Variants in ADCY5 observed in about 807,000 individuals in gnomAD.
ADCY5 encodes the protein adenylate cyclase type 5.
ADCY5 carries 30 observed loss-of-function variants against 119.7 expected under a neutral mutation model. The ratio of observed to expected loss-of-function variants is 0.25; its 90% confidence interval spans 0.19 to 0.34. The LOEUF is 0.34. Among genes scored for constraint, ADCY5 ranks in the 10% least tolerant of loss-of-function variants. ADCY5 has a pLI of 1.00. For missense variants in ADCY5, 1,324 were observed against 1,775.2 expected, an observed-to-expected ratio of 0.75 and a Z score of 4.57; for synonymous variants, 753 against 762.2, an observed-to-expected ratio of 0.99 and a Z score of 0.20.
intron 8 of ADCY5, 99 bp downstream of exon 8, chr3:123,325,223 T>A (rs1324756904): frequency 6.9e-7 from 1 of 1,454,034 alleles, no homozygotes; most frequent in African/African-American, 1.4e-5. Flanking sequence ...CTCCCCAGAT[T>A]CCCTTGGGCA....
intron 1 of ADCY5, among the ~76,000 whole-genome samples, chr3:123,403,882 C>T (rs1944836971): frequency 1.3e-5 from 2 of 152,216 alleles, no homozygotes; most frequent in South Asian, 2.1e-4. Flanking sequence ...CCATATCCAT[C>T]CTCTGGACCT....
chr3:123,353,427 G>A (rs1274411104), intron 1 of ADCY5, among the ~76,000 whole-genome samples: 2 of 152,222 alleles, frequency 1.3e-5, no homozygotes, highest in Admixed American at 1.3e-4. Flanking sequence ...GGCAGGTAGA[G>A]CTCCTGGATA....
rs1035411124 is a variant in ADCY5, at chr3:123,283,948, T to G, written c.*660A>C. On this transcript the variant is annotated 3_prime_UTR_variant, in exon 21 of 21. Transcript: ENST00000462833. ...AAAGAAGGGCACGGAGAACTTGTTT[T>G]GTTTTATTTAATAAATATTTTTCTC... is the stretch of plus-strand genomic sequence containing the variant. 1 of 152,258 alleles carries G rather than the reference T, an allele frequency of 6.6e-6. No homozygotes were observed. The highest frequency in any genetic ancestry group is 1.5e-5 in the Non-Finnish European group (1 of 68,072). 9.4% of individuals were successfully genotyped at this position (152,258 alleles called of 1,614,324 possible).
At position 123,286,793 on chromosome 3, in the gene ADCY5, G is replaced by A. The variant is rs764570316; in HGVS notation, c.3549C>T (p.Pro1183=). ...FQMKIGLNIG[P]VVAGVIGARK... is the part of the protein sequence containing the mutation. ...GTGCCCCTATCACCCCGGCCACCAC[G>A]GGGCCGATGTTGAGCCCTGCAGGGG... Residue 1183 remains proline, a synonymous_variant, in exon 20 of 21, where the codon CCC becomes CCT. Transcript: ENST00000462833. The surrounding 1 kb of genome is among the most constrained non-coding windows in gnomAD (Gnocchi z 4.2). The A allele has an allele frequency of 1.8e-5, 29 of 1,608,572 alleles. No individual in the cohort carries two copies. The highest frequency in any genetic ancestry group is 3.3e-5 in the South Asian group (3 of 90,222).
chr3:123,303,153 C>T lies in ADCY5; in HGVS notation c.2626G>A (p.Val876Ile), dbSNP rs1331162865. 6.2e-7 allele frequency: 1 copy of T among 1,613,798 alleles called. No homozygotes were observed. Among genetic ancestry groups the T allele is most frequent in the Non-Finnish European group, 8.5e-7 (1 of 1,180,054 alleles). Residue 876 changes from valine to isoleucine, a missense_variant, in exon 14 of 21, where the codon GTC (valine) becomes ATC (isoleucine). Coordinates refer to ENST00000462833, the MANE Select transcript of ADCY5 (RefSeq NM_183357.3). ...GACTCCGCCACGTGACACGCGTTGA[C>T]CTGGCTCGCGCTGATGTTGTGCTCC... Reference protein sequence around the residue: ...AQEHNISASQVNACHVAESAV... With the variant: ...AQEHNISASQINACHVAESAV...
chr3:123,288,755 A>C (rs4678002), intron 19 of ADCY5, among the ~76,000 whole-genome samples: 141,155 of 152,234 alleles, frequency 0.93, 66,345 homozygotes, highest in East Asian at 1. Context: ...ACTTTACAAA[A>C]AGAAAAATAC....
intron 3 of ADCY5, among the ~76,000 whole-genome samples, chr3:123,333,929 C>A (rs1941900822): frequency 6.6e-6 from 1 of 152,148 alleles, no homozygotes; most frequent in Non-Finnish European, 1.5e-5. Flanking sequence ...GAAGACACAG[C>A]CCGTCAGCGT....
At chr3:123,325,536 G>A (rs1941444143) in intron 7 of ADCY5, 74 bp from the exon 8 acceptor site, 6 of 1,584,970 alleles carry the variant, frequency 3.8e-6, no homozygotes, top group South Asian at 2.2e-5. Flanking sequence ...CCCAAACATC[G>A]TACCTGGCCA....
In ADCY5 at chr3:123,317,964, C is replaced by T. The variant is rs916082349; in HGVS notation, c.2354+56G>A. The T allele has an allele frequency of 3.8e-5, 58 of 1,518,070 alleles. No homozygotes were observed. In the East Asian group the frequency reaches 1.3e-3, roughly 34 times the overall value. 94.0% of individuals were successfully genotyped at this position (1,518,070 alleles called of 1,614,324 possible). On this transcript the variant is annotated intron_variant, in intron 11 of 20. Transcript: ENST00000462833. The stretch of plus-strand genomic sequence containing the variant: ...TCTCCTAAATGACCACCCCCTCCCA[C>T]TCCTGGGATTCCCTGCAGCCAGAGG...
At chr3:123,328,844 C>A in intron 5 of ADCY5, 42 bp from the exon 6 acceptor site, 1 of 1,594,552 alleles carries the variant, frequency 6.3e-7, no homozygotes, top group Non-Finnish European at 8.6e-7. Flanking sequence ...AGGCTGGAGG[C>A]CAGGCACACA....
intron 1 of ADCY5, among the ~76,000 whole-genome samples, chr3:123,358,414 G>A (rs144783017): frequency 0.013 from 1,944 of 152,082 alleles, 43 homozygotes; most frequent in Admixed American, 0.054. Flanking sequence ...AGACCAGCCC[G>A]GACAACACAG....
chr3:123,447,483 C>A lies in ADCY5; in HGVS notation c.1063G>T (p.Val355Leu), dbSNP rs761413664. ...GCCAGGTGGAGGGCGGACAGGAGCA[C>A]CCCGCTGAGCACTGCGGCCCGCATG... is the stretch of plus-strand genomic sequence containing the variant. ...VRMRAAVLSG[V>L]LLSALHLAIA... The change falls in exon 1 of 21, where the codon GTG becomes TTG. Residue 355 changes from valine (V) to leucine (L), a missense_variant. Physicochemically the swap from Val to Leu is conservative, Grantham distance 32. Coordinates refer to ENST00000462833, the MANE Select transcript of ADCY5 (RefSeq NM_183357.3). 2.5e-5 allele frequency: 41 copies of A among 1,611,370 alleles called. No homozygotes were observed. The Admixed American group carries it at 6.0e-4, about 24-fold the overall frequency.
At chr3:123,385,052 T>G (rs774146246) in intron 1 of ADCY5, among the ~76,000 whole-genome samples, 1 of 152,138 alleles carries the variant, frequency 6.6e-6, no homozygotes, top group Non-Finnish European at 1.5e-5. Context: ...CAGATGGCTC[T>G]GAACAATCTG....
intron 3 of ADCY5, among the ~76,000 whole-genome samples, chr3:123,338,536 G>C (rs1240911455): frequency 6.6e-6 from 1 of 152,232 alleles, no homozygotes; most frequent in African/African-American, 2.4e-5. Context: ...TCCCAACTCA[G>C]CGCTGGCCCA....
intron 18 of ADCY5, among the ~76,000 whole-genome samples, chr3:123,290,580 C>A (rs1207695105): frequency 6.6e-6 from 1 of 152,234 alleles, no homozygotes; most frequent in Non-Finnish European, 1.5e-5. Context: ...AGGTGCTCAA[C>A]CAGAGTATGA....
At chr3:123,312,901 A>T (rs1232605499) in intron 12 of ADCY5, among the ~76,000 whole-genome samples, 2 of 152,178 alleles carry the variant, frequency 1.3e-5, no homozygotes, top group African/African-American at 4.8e-5. Flanking sequence ...CTCTGGATAA[A>T]GCAGGCTGGG....
At chr3:123,384,416 A>G (rs1209458271) in intron 1 of ADCY5, among the ~76,000 whole-genome samples, 1 of 152,194 alleles carries the variant, frequency 6.6e-6, no homozygotes, top group Non-Finnish European at 1.5e-5. Context: ...GGGCGAGTGC[A>G]GCCACCCGCA....
intron 1 of ADCY5, among the ~76,000 whole-genome samples, chr3:123,371,163 G>C (rs1176167169): frequency 6.6e-6 from 1 of 152,140 alleles, no homozygotes; most frequent in Non-Finnish European, 1.5e-5. Context: ...AGCATGCTGT[G>C]GGGAAAACGT....
At chr3:123,290,293 G>T (rs1188469529) in intron 18 of ADCY5, among the ~76,000 whole-genome samples, 1 of 152,044 alleles carries the variant, frequency 6.6e-6, no homozygotes, top group Non-Finnish European at 1.5e-5. Context: ...ACCTCCATTT[G>T]TCCAGCAGGC....
Sources: allele counts gnomAD v4.1 joint callset (sites outside exome capture counted in the v4.1 genomes callset), GRCh38; gene constraint gnomAD v4.1.1; non-coding constraint Gnocchi (gnomAD v3.1); transcripts MANE v1.5; gene names NCBI Gene and HGNC (gene_info 2026-07-23, HGNC 2026-07-21).